Variants in LAMP1 observed in about 807,000 individuals in gnomAD.
LAMP1 encodes the protein lysosome-associated membrane glycoprotein 1.
LAMP1 carries 7 observed loss-of-function variants against 37.5 expected under a neutral mutation model. That is an observed-to-expected ratio of 0.19 (90% CI 0.11 to 0.35). The LOEUF (loss-of-function observed/expected upper bound fraction) is 0.35. Ranked by LOEUF, LAMP1 falls within the 10% of genes least tolerant of loss-of-function variation. The pLI is 1.00. For missense variants in LAMP1, 537 were observed against 552.8 expected, an observed-to-expected ratio of 0.97 and a Z score of 0.29; for synonymous variants, 236 against 229.1, an observed-to-expected ratio of 1.03 and a Z score of -0.27.
intron 1 of LAMP1, among the ~76,000 whole-genome samples, chr13:113,304,704 T>C (rs2042589844): frequency 6.6e-6 from 1 of 152,010 alleles, no homozygotes; most frequent in South Asian, 2.1e-4. Flanking sequence ...TCACCCAGGC[T>C]GGAGGGCAGT....
At chr13:113,305,593 G>A (rs965454779) in intron 1 of LAMP1, 3 of 152,218 alleles carry the variant, frequency 2.0e-5, no homozygotes, top group African/African-American at 7.2e-5. Flanking sequence ...CAGCTGGAAA[G>A]ACCTATAGAG....
Position 113,321,670 on chromosome 13 carries a change from A to C in LAMP1, c.1057A>C (p.Asn353His). Residue 353 changes from asparagine (N) to histidine (H), a missense_variant, in exon 8 of 9, where the codon AAT (asparagine) becomes CAT (histidine). Transcript: ENST00000332556. The surrounding 1 kb of genome is among the most constrained non-coding windows in gnomAD (Gnocchi z 5.6). ...CCGTGTCACGAAGGCGTTTTCAGTC[A>C]ATATATTCAAAGTGTGGGTCCAGGC... ...HVRVTKAFSV[N>H]IFKVWVQAFK... The C allele has an allele frequency of 6.2e-7, 1 of 1,614,196 alleles. No individual in the cohort carries two copies.
chr13:113,319,788 G>C (rs1278637070), intron 5 of LAMP1, 132 bp downstream of exon 5: 2 of 846,946 alleles, frequency 2.4e-6, no homozygotes, highest in Admixed American at 2.7e-5. Context: ...CTTGCAGGAC[G>C]TGACCCTAGA....
chr13:113,315,900 C>T (rs2042660968), intron 4 of LAMP1, among the ~76,000 whole-genome samples: 2 of 151,768 alleles, frequency 1.3e-5, no homozygotes, highest in South Asian at 2.1e-4. Flanking sequence ...GTCAGGAATT[C>T]GAGACCAGCC....
rs953686155 is a variant in LAMP1, at chr13:113,308,753, G to A, written c.184-890G>A. Among the ~76,000 whole-genome samples the A allele has an allele frequency of 6.6e-5, 10 of 152,210 alleles. No individual in the cohort carries two copies. The South Asian group carries it at 1.9e-3, about 28-fold the overall frequency. On this transcript the variant is annotated intron_variant, in intron 2 of 8. Coordinates refer to ENST00000332556, the MANE Select transcript of LAMP1 (RefSeq NM_005561.4). The stretch of plus-strand genomic sequence containing the variant: ...TCACCTATATGCTGTTATGCACTTT[G>A]TTATTTCACAGAACATGTCTTTATC...
chr13:113,304,123 G>C (rs564857283), intron 1 of LAMP1, among the ~76,000 whole-genome samples: 1 of 152,304 alleles, frequency 6.6e-6, no homozygotes, highest in African/African-American at 2.4e-5. Context: ...AAAAAAAATT[G>C]TATAATTGAA....
At chr13:113,300,307 C>T (rs2042563833) in intron 1 of LAMP1, among the ~76,000 whole-genome samples, 1 of 151,550 alleles carries the variant, frequency 6.6e-6, no homozygotes, top group African/African-American at 2.4e-5. Context: ...GTGGTGAAAC[C>T]CCGTCTCTAC....
intron 4 of LAMP1, among the ~76,000 whole-genome samples, chr13:113,312,251 C>T (rs533525311): frequency 9.2e-5 from 14 of 152,214 alleles, no homozygotes; most frequent in African/African-American, 2.9e-4. Flanking sequence ...AACGGCTTTT[C>T]GATTTATAAA....
chr13:113,309,223 C>T (rs1251101701), intron 2 of LAMP1, among the ~76,000 whole-genome samples: 1 of 152,140 alleles, frequency 6.6e-6, no homozygotes, highest in Non-Finnish European at 1.5e-5. Context: ...GCCTCAGCCT[C>T]CTGAGTAGCT....
chr13:113,318,768 G>C (rs1223218635), intron 4 of LAMP1, among the ~76,000 whole-genome samples: 1 of 151,024 alleles, frequency 6.6e-6, no homozygotes, highest in Non-Finnish European at 1.5e-5. Flanking sequence ...CTTCTCCCTC[G>C]TGAGGATGCT....
Position 113,301,635 on chromosome 13 carries a change from AAAAAAAAAAATATATATATAT to A in LAMP1, c.61+4142_61+4162del, listed in dbSNP as rs1303707785. ...GAGACTCTGTTTCCATTTAAAAAAA[AAAAAAAAAAATATATATATAT>A]ATATATATATATATATATATATATA... is the stretch of plus-strand genomic sequence containing the variant. On this transcript the variant is annotated intron_variant, in intron 1 of 8. Transcript: ENST00000332556. Among the ~76,000 whole-genome samples the A allele has an allele frequency of 1.3e-3, 30 of 22,310 alleles. 1 individual carries two copies. Among genetic ancestry groups the A allele is most frequent in the African/African-American group, 3.5e-3 (25 of 7,052 alleles). 14.6% of individuals were successfully genotyped at this position (22,310 alleles called of 152,430 possible).
rs1301031681 is a variant in LAMP1 at position 113,320,121 on chromosome 13, T to G, written c.751-224T>G. Among the ~76,000 whole-genome samples, 1 of 152,120 alleles carries G rather than the reference T, an allele frequency of 6.6e-6. No homozygotes were observed. Among genetic ancestry groups the G allele is most frequent in the Admixed American group, 6.6e-5 (1 of 15,264 alleles). ...TGCAGGGGGAGGTGGTGCTGCTGGT[T>G]GCCCTCCACGCGGGGACGCTGCACT... On this transcript the variant is annotated intron_variant, in intron 5 of 8. Coordinates refer to ENST00000332556, the MANE Select transcript of LAMP1 (RefSeq NM_005561.4). This position sits in a 1 kb window ranked among gnomAD's most constrained non-coding sequence, Gnocchi z 4.4.
chr13:113,323,216 T>C lies in LAMP1; in HGVS notation c.*795T>C, dbSNP rs1701386144. On this transcript the variant is annotated 3_prime_UTR_variant, in exon 9 of 9. Coordinates refer to ENST00000332556, the MANE Select transcript of LAMP1 (RefSeq NM_005561.4). Reference sequence around the variant, plus strand: ...GTCTGCAGCTCAAGGGCTGGCACTTTTTTAAATATAAAAATGGGTGTTATT... The same window carrying C: ...GTCTGCAGCTCAAGGGCTGGCACTTCTTTAAATATAAAAATGGGTGTTATT... 2 of 152,266 alleles carry C rather than the reference T, an allele frequency of 1.3e-5. No homozygotes were observed. The highest frequency in any genetic ancestry group is 2.1e-4 in the South Asian group (1 of 4,826). 9.4% of individuals were successfully genotyped at this position (152,266 alleles called of 1,614,324 possible). A position where few individuals can be genotyped will look rare whatever the true frequency, so the allele number is the denominator to read the frequency against.
Position 113,309,842 on chromosome 13 carries a change from T to C in LAMP1, c.383T>C (p.Phe128Ser), listed in dbSNP as rs1313716221. The change falls in exon 3 of 9, where the codon TTC becomes TCC. Residue 128 changes from phenylalanine (F) to serine (S), a missense_variant. By Grantham distance (155) the Phe-to-Ser change is radical. Transcript: ENST00000332556. The stretch of plus-strand genomic sequence containing the variant: ...TATAACTTGTCAGACACACACCTTT[T>C]CCCCAATGCGAGCTCCAAAGGTAAG... ...FVYNLSDTHLFPNASSKEIKT... is the reference protein window; with the variant it reads ...FVYNLSDTHLSPNASSKEIKT... 1 of 1,612,798 alleles carries C rather than the reference T, an allele frequency of 6.2e-7. No homozygotes were observed. Among genetic ancestry groups the C allele is most frequent in the East Asian group, 2.2e-5 (1 of 44,892 alleles).
intron 4 of LAMP1, among the ~76,000 whole-genome samples, chr13:113,314,919 C>T (rs1289945122): frequency 7.2e-5 from 6 of 83,308 alleles, no homozygotes; most frequent in East Asian, 4.5e-4. Context: ...TGGAGATGCC[C>T]GTGTGCCTGG....
At chr13:113,301,645 ATATATATATATATATATATAT>A (rs1297749761) in intron 1 of LAMP1, among the ~76,000 whole-genome samples, 80 of 772 alleles carry the variant, frequency 0.1, no homozygotes, top group Admixed American at 0.2. Flanking sequence ...AAAAAAAAAA[ATATATATATATATATATATAT>A]ATATATATAT....
chr13:113,304,121 T>C (rs1269505709), intron 1 of LAMP1, among the ~76,000 whole-genome samples: 1 of 152,000 alleles, frequency 6.6e-6, no homozygotes. Context: ...GAAAAAAAAA[T>C]TGTATAATTG....
chr13:113,301,636 AAAAAAAAAATATATATATATATAT>A (rs1430359711), intron 1 of LAMP1, among the ~76,000 whole-genome samples: 306 of 24,776 alleles, frequency 0.012, 14 homozygotes, highest in African/African-American at 0.03. Context: ...TTAAAAAAAA[AAAAAAAAAATATATATATATATAT>A]ATATATATAT....
chr13:113,317,221 C>G (rs2042670424), intron 4 of LAMP1, among the ~76,000 whole-genome samples: 1 of 152,164 alleles, frequency 6.6e-6, no homozygotes, highest in African/African-American at 2.4e-5. Flanking sequence ...TCAGGTCTCC[C>G]CAGAGGCTCC....
Sources: gnomAD v4.1 joint callset for allele counts (sites outside exome capture counted in the v4.1 genomes callset) on GRCh38, gnomAD v4.1.1 for gene constraint, Gnocchi (gnomAD v3.1) non-coding constraint, MANE v1.5 for transcripts, NCBI Gene and HGNC (gene_info 2026-07-23, HGNC 2026-07-21) for gene names.